CAMTA1: variants seen among roughly 807,000 people sequenced by gnomAD.
CAMTA1 encodes the protein calmodulin binding transcription activator 1.
A neutral mutation model predicts 170.9 loss-of-function variants in CAMTA1; 27 were observed. That is an observed-to-expected ratio of 0.16 (90% CI 0.12 to 0.22). The LOEUF is 0.22. Ranked by LOEUF, CAMTA1 falls within the 10% of genes least tolerant of loss-of-function variation. CAMTA1 has a pLI of 1.00. For missense variants in CAMTA1, 1,619 were observed against 2,217.2 expected (o/e 0.73, Z 5.42); for synonymous variants, 833 against 891.5 (o/e 0.93, Z 1.17).
intron 10 of CAMTA1, among the ~76,000 whole-genome samples, chr1:7,677,368 C>T (rs764473741): frequency 6.6e-6 from 1 of 152,204 alleles, no homozygotes; most frequent in Non-Finnish European, 1.5e-5. Context: ...GGGGCAGTTA[C>T]GTACCTGGGA....
rs886249747 is a variant in CAMTA1 at position 7,248,930 on chromosome 1, A to G, written c.303-561A>G. Among the ~76,000 whole-genome samples the G allele has an allele frequency of 1.3e-5, 2 of 152,230 alleles. No homozygotes were observed. Among genetic ancestry groups the G allele is most frequent in the Non-Finnish European group, 2.9e-5 (2 of 68,042 alleles). On this transcript the variant is annotated intron_variant, in intron 4 of 22. Coordinates refer to ENST00000303635, the MANE Select transcript of CAMTA1 (RefSeq NM_015215.4). This position sits in a 1 kb window ranked among gnomAD's most constrained non-coding sequence, Gnocchi z 4.0. ...GGGTACTTAGCTTGCTTGAGAAGCA[A>G]GACCGCAGATGCTCTTTCATATCTA...
At chr1:7,554,672 C>T (rs550339615) in intron 6 of CAMTA1, among the ~76,000 whole-genome samples, 2 of 152,274 alleles carry the variant, frequency 1.3e-5, no homozygotes, top group East Asian at 1.9e-4. Context: ...CAAACACTGA[C>T]GATGTCCCTC....
chr1:7,610,874 A>G (rs1048007185), intron 6 of CAMTA1, among the ~76,000 whole-genome samples: 1 of 152,248 alleles, frequency 6.6e-6, no homozygotes, highest in African/African-American at 2.4e-5. Flanking sequence ...ATGAACCTCA[A>G]GAAAGCAGCA....
At chr1:6,906,440 C>T (rs1678502831) in intron 3 of CAMTA1, among the ~76,000 whole-genome samples, 1 of 152,150 alleles carries the variant, frequency 6.6e-6, no homozygotes, top group South Asian at 2.1e-4. Context: ...AGCCTTAAAT[C>T]AACCAAAGAA....
chr1:7,456,224 G>A lies in CAMTA1; in HGVS notation c.439-11606G>A, dbSNP rs1314111041. On this transcript the variant is annotated intron_variant, in intron 5 of 22. Transcript: ENST00000303635. The surrounding 1 kb of genome is among the most constrained non-coding windows in gnomAD (Gnocchi z 4.9). ...AGGGAGGGAGGAAGAATGGGAGAGA[G>A]GGAGGGAGAGAAGGAGGGAGGGAGG... 6.7e-6 allele frequency among the ~76,000 whole-genome samples: 1 copy of A among 149,696 alleles called. No individual in the cohort carries two copies. The highest frequency in any genetic ancestry group is 1.5e-5 in the Non-Finnish European group (1 of 67,316).
intron 1 of CAMTA1, among the ~76,000 whole-genome samples, chr1:6,788,882 A>T (rs1178848288): frequency 1.3e-5 from 2 of 152,202 alleles, no homozygotes; most frequent in African/African-American, 2.4e-5. Flanking sequence ...ATTGGAAATT[A>T]GCTTTTTCCT....
rs1691312173 is a variant in CAMTA1, at chr1:6,965,215, G to A, written c.235-126089G>A. On this transcript the variant is annotated intron_variant, in intron 3 of 22. Coordinates refer to ENST00000303635, the MANE Select transcript of CAMTA1 (RefSeq NM_015215.4). The surrounding 1 kb of genome is among the most constrained non-coding windows in gnomAD (Gnocchi z 4.1). Reference sequence around the variant, plus strand: ...CATGAGTGTGTGTGTATGACTTTGTGTGCTTGTGTGTGTCTGTGCATGTGT... The same window carrying A: ...CATGAGTGTGTGTGTATGACTTTGTATGCTTGTGTGTGTCTGTGCATGTGT... 6.6e-6 allele frequency among the ~76,000 whole-genome samples: 1 copy of A among 152,128 alleles called. No homozygotes were observed. Among genetic ancestry groups the A allele is most frequent in the Non-Finnish European group, 1.5e-5 (1 of 68,014 alleles).
intron 3 of CAMTA1, among the ~76,000 whole-genome samples, chr1:7,030,073 G>T (rs1323274660): frequency 1.3e-5 from 2 of 152,180 alleles, no homozygotes; most frequent in African/African-American, 4.8e-5. Context: ...TATTTTAATA[G>T]CCATTTCAGA....
chr1:7,228,813 C>T (rs1290305444), intron 4 of CAMTA1, among the ~76,000 whole-genome samples: 1 of 152,166 alleles, frequency 6.6e-6, no homozygotes, highest in African/African-American at 2.4e-5. Context: ...ATAGGAGCCT[C>T]ATGATCCACA....
At chr1:7,709,963 G>T (rs904526094) in intron 11 of CAMTA1, among the ~76,000 whole-genome samples, 4 of 152,190 alleles carry the variant, frequency 2.6e-5, no homozygotes, top group Admixed American at 2.6e-4. Flanking sequence ...GTTTAAAAAA[G>T]TTGAAAGCCA....
At chr1:6,924,647 A>G (rs1421399157) in intron 3 of CAMTA1, among the ~76,000 whole-genome samples, 1 of 152,224 alleles carries the variant, frequency 6.6e-6, no homozygotes, top group Non-Finnish European at 1.5e-5. Context: ...CCTGGTGAAG[A>G]ATGAGGAAAA....
intron 8 of CAMTA1, 123 bp downstream of exon 8, chr1:7,661,989 A>T: frequency 8.3e-7 from 1 of 1,210,548 alleles, no homozygotes; most frequent in Non-Finnish European, 1.1e-6. Context: ...GGGGACAGTC[A>T]GGGACTGGGC....
intron 3 of CAMTA1, among the ~76,000 whole-genome samples, chr1:6,974,247 C>A (rs1228328951): frequency 1.3e-5 from 2 of 152,184 alleles, no homozygotes; most frequent in Non-Finnish European, 2.9e-5. Flanking sequence ...GTCGGAGAAT[C>A]CAATTTTTCA....
chr1:7,189,846 C>A (rs1052038895), intron 4 of CAMTA1, among the ~76,000 whole-genome samples: 1 of 152,200 alleles, frequency 6.6e-6, no homozygotes, highest in Non-Finnish European at 1.5e-5. Context: ...TATAGCAGCA[C>A]AATTTGCAAA....
At chr1:7,655,866 GC>G (rs1174243987) in intron 7 of CAMTA1, among the ~76,000 whole-genome samples, 2 of 152,208 alleles carry the variant, frequency 1.3e-5, no homozygotes, top group Non-Finnish European at 2.9e-5. Context: ...GGAGGCCTGA[GC>G]CCCCATGCGG....
chr1:6,808,030 G>A (rs771493345), intron 1 of CAMTA1, among the ~76,000 whole-genome samples: 1 of 151,600 alleles, frequency 6.6e-6, no homozygotes, highest in Non-Finnish European at 1.5e-5. Flanking sequence ...GGGCAAACAT[G>A]GTAGTTGGAG....
intron 6 of CAMTA1, 78 bp from the exon 7 acceptor site, chr1:7,640,322 C>A (rs1219718201): frequency 6.5e-7 from 1 of 1,530,816 alleles, no homozygotes. Context: ...TCTGCCTGCA[C>A]CTGCGGGGTT....
At chr1:6,982,705 A>G (rs1694646193) in intron 3 of CAMTA1, among the ~76,000 whole-genome samples, 1 of 151,972 alleles carries the variant, frequency 6.6e-6, no homozygotes, top group African/African-American at 2.4e-5. Flanking sequence ...TAAGCTCCTC[A>G]GTGCTGCCTA....
At chr1:6,941,533 G>T (rs2149430742) in intron 3 of CAMTA1, among the ~76,000 whole-genome samples, 1 of 152,288 alleles carries the variant, frequency 6.6e-6, no homozygotes. Context: ...TATTTAGGAG[G>T]TCATCCCAGA....
Sources: gnomAD v4.1 joint callset for allele counts (sites outside exome capture counted in the v4.1 genomes callset) on GRCh38, gnomAD v4.1.1 for gene constraint, Gnocchi (gnomAD v3.1) non-coding constraint, MANE v1.5 for transcripts, NCBI Gene and HGNC (gene_info 2026-07-23, HGNC 2026-07-21) for gene names.